Variants in PCDH9 observed in about 807,000 individuals in gnomAD.
PCDH9 encodes protocadherin-9.
PCDH9 carries 24 observed loss-of-function variants against 70.6 expected under a neutral mutation model. The observed-to-expected ratio is 0.34, with a 90% confidence interval of 0.25 to 0.48. The LOEUF (loss-of-function observed/expected upper bound fraction) is 0.48, where lower values mean the gene tolerates loss of function less well. PCDH9 is among the 20% of genes least tolerant of loss of function. The probability of loss-of-function intolerance (pLI) is 0.99; values close to 1 mark genes in which losing one functional copy is unlikely to be tolerated. For missense variants in PCDH9, 1,281 were observed against 1,503.6 expected, an observed-to-expected ratio of 0.85 and a Z score of 2.45; for synonymous variants, 562 against 558.5, an observed-to-expected ratio of 1.01 and a Z score of -0.09.
chr13:66,904,942 A>G (rs2082335831), intron 2 of PCDH9, among the ~76,000 whole-genome samples: 1 of 152,004 alleles, frequency 6.6e-6, no homozygotes, highest in South Asian at 2.1e-4. Context: ...AAAATATTTT[A>G]TATCTGTTCT....
At position 66,801,116 on chromosome 13, in the gene PCDH9, C is replaced by T. The variant is rs147832138; in HGVS notation, c.3138+102388G>A. Among the ~76,000 whole-genome samples the T allele has an allele frequency of 4.2e-4, 63 of 149,892 alleles. No individual in the cohort carries two copies. In the Middle Eastern group the frequency reaches 0.01, roughly 25 times the overall value. ...TGTAGGTCTGTATATATCCTCAGAACGTCACACATTGCCTGAAAAACAATA... is the reference window on the plus strand; with the variant it reads ...TGTAGGTCTGTATATATCCTCAGAATGTCACACATTGCCTGAAAAACAATA... On this transcript the variant is annotated intron_variant, in intron 3 of 4. Transcript: ENST00000377865.
intron 3 of PCDH9, among the ~76,000 whole-genome samples, chr13:66,901,016 T>C (rs1278939586): frequency 6.6e-6 from 1 of 151,716 alleles, no homozygotes; most frequent in Non-Finnish European, 1.5e-5. Flanking sequence ...AACACTAGAT[T>C]AATAACCTTA....
At chr13:66,881,082 T>C (rs1019415392) in intron 3 of PCDH9, among the ~76,000 whole-genome samples, 3 of 152,202 alleles carry the variant, frequency 2.0e-5, no homozygotes, top group African/African-American at 7.2e-5. Flanking sequence ...CTGACAATAA[T>C]AGGTTGTCAG....
rs140289098 is a variant in PCDH9, at chr13:67,068,394, T to C, written c.3036+157011A>G. On this transcript the variant is annotated intron_variant, in intron 2 of 4. Coordinates refer to ENST00000377865, the MANE Select transcript of PCDH9 (RefSeq NM_203487.3). ...AATATGCATTATTATAATCTGGATA[T>C]GTAAAGGTGCCTGAAATGTGGTCTC... is the stretch of plus-strand genomic sequence containing the variant. Among the ~76,000 whole-genome samples, 37 of 152,232 alleles carry C rather than the reference T, an allele frequency of 2.4e-4. 1 individual carries two copies. In the East Asian group the frequency reaches 7.1e-3, roughly 29 times the overall value.
chr13:66,357,396 C>G (rs2138185774), intron 4 of PCDH9, among the ~76,000 whole-genome samples: 1 of 152,088 alleles, frequency 6.6e-6, no homozygotes, highest in Middle Eastern at 3.4e-3. Flanking sequence ...TCTTGAAAGG[C>G]AGGTTGTTAG....
intron 2 of PCDH9, among the ~76,000 whole-genome samples, chr13:67,064,119 C>G (rs909587364): frequency 1.8e-4 from 27 of 152,116 alleles, no homozygotes; most frequent in Admixed American, 1.4e-3. Context: ...CTCTGTTGAG[C>G]AGCATCTTCA....
intron 2 of PCDH9, among the ~76,000 whole-genome samples, chr13:67,042,747 C>T (rs2085146277): frequency 6.6e-6 from 1 of 152,020 alleles, no homozygotes; most frequent in Admixed American, 6.6e-5. Context: ...GTGCTTAGCT[C>T]CAAGTGTCAC....
At chr13:66,594,888 G>A (rs185929227) in intron 4 of PCDH9, among the ~76,000 whole-genome samples, 85 of 151,290 alleles carry the variant, frequency 5.6e-4, no homozygotes, top group African/African-American at 2.0e-3. Context: ...AATGATTGCA[G>A]CTTTGATCTT....
chr13:67,124,293 T>C (rs1388557394), intron 2 of PCDH9, among the ~76,000 whole-genome samples: 1 of 152,100 alleles, frequency 6.6e-6, no homozygotes, highest in Non-Finnish European at 1.5e-5. Flanking sequence ...AACCCTATGC[T>C]CAGCTGGAAA....
At chr13:66,410,405 A>G (rs574611477) in intron 4 of PCDH9, among the ~76,000 whole-genome samples, 6 of 152,222 alleles carry the variant, frequency 3.9e-5, no homozygotes, top group Non-Finnish European at 8.8e-5. Flanking sequence ...ATGTAATCCC[A>G]CAAGTAATGC....
At chr13:66,824,395 C>T in intron 3 of PCDH9, among the ~76,000 whole-genome samples, 1 of 146,418 alleles carries the variant, frequency 6.8e-6, no homozygotes. Flanking sequence ...GTGGCTCATG[C>T]CTGTAATCCC....
At chr13:67,182,007 C>T (rs1382425802) in intron 2 of PCDH9, among the ~76,000 whole-genome samples, 1 of 152,166 alleles carries the variant, frequency 6.6e-6, no homozygotes, top group African/African-American at 2.4e-5. Context: ...TGGTTCCTCT[C>T]CTCCTGCCTC....
At chr13:66,942,146 T>G (rs953479518) in intron 2 of PCDH9, among the ~76,000 whole-genome samples, 5 of 151,904 alleles carry the variant, frequency 3.3e-5, no homozygotes, top group African/African-American at 1.2e-4. Flanking sequence ...CATATCAAAA[T>G]TTGTGGAATG....
chr13:66,675,734 T>A (rs1299953413), intron 3 of PCDH9, among the ~76,000 whole-genome samples: 1 of 152,086 alleles, frequency 6.6e-6, no homozygotes, highest in African/African-American at 2.4e-5. Flanking sequence ...TTAGCCAATA[T>A]TACTTTTTTT....
At chr13:67,035,552 A>G (rs1038104578) in intron 2 of PCDH9, among the ~76,000 whole-genome samples, 3 of 149,410 alleles carry the variant, frequency 2.0e-5, no homozygotes, top group African/African-American at 7.3e-5. Context: ...AAAGAAATAA[A>G]TATATAATTA....
chr13:67,129,680 T>G (rs1594551517), intron 2 of PCDH9, among the ~76,000 whole-genome samples: 1 of 151,942 alleles, frequency 6.6e-6, no homozygotes, highest in African/African-American at 2.4e-5. Flanking sequence ...TATATAGAGA[T>G]ATTATATATG....
chr13:66,510,331 T>C (rs1959404912), intron 4 of PCDH9, among the ~76,000 whole-genome samples: 1 of 151,728 alleles, frequency 6.6e-6, no homozygotes, highest in Non-Finnish European at 1.5e-5. Context: ...GAATAGTATA[T>C]TATGATTAAA....
intron 4 of PCDH9, among the ~76,000 whole-genome samples, chr13:66,469,721 G>T (rs551872113): frequency 6.6e-6 from 1 of 152,140 alleles, no homozygotes; most frequent in East Asian, 1.9e-4. Context: ...GGTATCTCTG[G>T]TCGCCTCTTA....
Position 66,884,806 on chromosome 13 carries a change from T to G in PCDH9, c.3138+18698A>C, listed in dbSNP as rs147660899. Among the ~76,000 whole-genome samples, 282 of 152,266 alleles carry G rather than the reference T, an allele frequency of 1.9e-3. 1 individual carries two copies. Among genetic ancestry groups the G allele is most frequent in the Non-Finnish European group, 3.0e-3 (205 of 68,018 alleles). Reference sequence around the variant, plus strand: ...TTTCATCTCCCAAAACATTACTGCATGAAAGAGAAATTTTCTTTACGATAA... The same window carrying G: ...TTTCATCTCCCAAAACATTACTGCAGGAAAGAGAAATTTTCTTTACGATAA... On this transcript the variant is annotated intron_variant, in intron 3 of 4. Coordinates refer to ENST00000377865, the MANE Select transcript of PCDH9 (RefSeq NM_203487.3).
Sources: gnomAD v4.1 joint callset for allele counts (sites outside exome capture counted in the v4.1 genomes callset) on GRCh38, gnomAD v4.1.1 for gene constraint, MANE v1.5 for transcripts, NCBI Gene and HGNC (gene_info 2026-07-23, HGNC 2026-07-21) for gene names.